The following CEP128 variants were observed in gnomAD, a reference collection of about 807,000 sequenced individuals.
The protein encoded by CEP128 is centrosomal protein 128.
A neutral mutation model predicts 156.7 loss-of-function variants in CEP128; 132 were observed. The ratio of observed to expected loss-of-function variants is 0.84; its 90% CI spans 0.73 to 0.97. The LOEUF (loss-of-function observed/expected upper bound fraction) is 0.97, where lower values mean the gene tolerates loss of function less well. Among genes scored for constraint, CEP128 ranks in the 50% least tolerant of loss-of-function variants. CEP128 has a pLI of 0.00. For synonymous variants in CEP128, 469 were observed against 448.9 expected, an observed-to-expected ratio of 1.04 and a Z score of -0.57; for missense variants, 1,252 against 1,281.9, an observed-to-expected ratio of 0.98 and a Z score of 0.36.
intron 20 of CEP128, among the ~76,000 whole-genome samples, chr14:80,567,805 G>A (rs1235650033): frequency 6.6e-6 from 1 of 152,110 alleles, no homozygotes; most frequent in East Asian, 1.9e-4. Context: ...TGGTGGCTAG[G>A]GGCAATGCAA....
At chr14:80,579,722 G>A (rs1414292700) in intron 20 of CEP128, among the ~76,000 whole-genome samples, 2 of 152,078 alleles carry the variant, frequency 1.3e-5, no homozygotes, top group African/African-American at 2.4e-5. Flanking sequence ...TCTATCATGG[G>A]AATATAACTG....
At chr14:80,568,226 C>A (rs1439152370) in intron 20 of CEP128, among the ~76,000 whole-genome samples, 1 of 152,144 alleles carries the variant, frequency 6.6e-6, no homozygotes, top group Non-Finnish European at 1.5e-5. Flanking sequence ...TCCTAGGCTT[C>A]TAGGTGAAAA....
chr14:80,556,822 G>C (rs760102700), intron 21 of CEP128, among the ~76,000 whole-genome samples: 11 of 152,188 alleles, frequency 7.2e-5, no homozygotes, highest in Non-Finnish European at 1.3e-4. Flanking sequence ...CACTGACTTG[G>C]GAGAGAATAA....
chr14:80,855,298 T>C (rs942754440), intron 9 of CEP128, among the ~76,000 whole-genome samples: 1 of 152,176 alleles, frequency 6.6e-6, no homozygotes, highest in Admixed American at 6.5e-5. Flanking sequence ...TTCTAGGGCT[T>C]ATGTCCTAAG....
intron 14 of CEP128, among the ~76,000 whole-genome samples, chr14:80,481,849 T>C (rs895632388): frequency 6.6e-6 from 1 of 152,244 alleles, no homozygotes; most frequent in Non-Finnish European, 1.5e-5. Flanking sequence ...ATTCCTACTT[T>C]AGTATCTAAA....
intron 21 of CEP128, among the ~76,000 whole-genome samples, chr14:80,533,654 T>C (rs887345036): frequency 1.3e-5 from 2 of 151,568 alleles, no homozygotes; most frequent in Non-Finnish European, 2.9e-5. Context: ...TTATTTTTAT[T>C]CTCCCCTCCC....
At position 80,939,995 on chromosome 14, in the gene CEP128, A is replaced by G. The variant is rs113722399; in HGVS notation, c.-171-455T>C. Among the ~76,000 whole-genome samples, 248 of 152,322 alleles carry G rather than the reference A, an allele frequency of 1.6e-3. 1 individual carries two copies. Among genetic ancestry groups the G allele is most frequent in the Middle Eastern group, 3.4e-3 (1 of 294 alleles). Reference sequence around the variant, plus strand: ...TTCCCATACTCAGTGCTACAATTAAATAAATAAGAATAAAATGCCTTTGGT... The same window carrying G: ...TTCCCATACTCAGTGCTACAATTAAGTAAATAAGAATAAAATGCCTTTGGT... On this transcript the variant is annotated intron_variant, in intron 1 of 24. Transcript: ENST00000555265.
At chr14:80,515,365 T>C (rs1031600087) in intron 23 of CEP128, among the ~76,000 whole-genome samples, 23 of 152,166 alleles carry the variant, frequency 1.5e-4, no homozygotes, top group African/African-American at 5.3e-4. Context: ...ATGAATCTAC[T>C]TGGTGCTCTG....
At chr14:80,608,591 C>T (rs1003853916) in intron 19 of CEP128, among the ~76,000 whole-genome samples, 1 of 152,128 alleles carries the variant, frequency 6.6e-6, no homozygotes, top group Non-Finnish European at 1.5e-5. Flanking sequence ...CACCTTTCAC[C>T]ATCCCTTTCC....
chr14:80,597,078 G>T (rs149433534), intron 19 of CEP128, among the ~76,000 whole-genome samples: 1 of 150,958 alleles, frequency 6.6e-6, no homozygotes, highest in Non-Finnish European at 1.5e-5. Context: ...ATGAAATTGA[G>T]AACAGGAGAC....
chr14:80,849,567 G>A (rs577651438), intron 9 of CEP128, among the ~76,000 whole-genome samples: 2 of 152,274 alleles, frequency 1.3e-5, no homozygotes, highest in South Asian at 4.1e-4. Flanking sequence ...TATGGACAAA[G>A]ATATATAAGA....
chr14:80,788,829 G>A (rs969971289), intron 14 of CEP128, among the ~76,000 whole-genome samples: 3 of 152,040 alleles, frequency 2.0e-5, no homozygotes, highest in African/African-American at 7.2e-5. Context: ...TTTTTCTGCT[G>A]AGGGTAAGAG....
downstream of CEP128, among the ~76,000 whole-genome samples, chr14:80,494,824 G>A (rs1469213872): frequency 6.6e-6 from 1 of 152,092 alleles, no homozygotes; most frequent in Non-Finnish European, 1.5e-5. Flanking sequence ...AAATAGGTAG[G>A]TAAACTATAA....
At chr14:80,895,602 CA>C in intron 8 of CEP128, 115 bp downstream of exon 8, 1 of 596,486 alleles carries the variant, frequency 1.7e-6, no homozygotes, top group Non-Finnish European at 2.8e-6. Context: ...CACTTTTAGA[CA>C]AAATGGGACA....
At chr14:80,873,802 G>A (rs928409249) in intron 8 of CEP128, among the ~76,000 whole-genome samples, 22 of 152,072 alleles carry the variant, frequency 1.4e-4, no homozygotes, top group Admixed American at 6.5e-4. Flanking sequence ...CACTATTCCC[G>A]TGATATTTTT....
chr14:80,514,571 T>A (rs1888402683), intron 23 of CEP128: 4 of 229,490 alleles, frequency 1.7e-5, no homozygotes, highest in South Asian at 1.4e-4. Flanking sequence ...CTTGATTTTT[T>A]AATATTATTT....
chr14:80,798,590 A>G (rs1195906448), intron 13 of CEP128, among the ~76,000 whole-genome samples: 1 of 152,218 alleles, frequency 6.6e-6, no homozygotes, highest in Non-Finnish European at 1.5e-5. Flanking sequence ...AAAATAAACT[A>G]TATTTTTTGT....
At chr14:80,710,252 T>C (rs867392171) in intron 19 of CEP128, among the ~76,000 whole-genome samples, 13 of 152,118 alleles carry the variant, frequency 8.5e-5, no homozygotes, top group African/African-American at 3.1e-4. Flanking sequence ...TCACTAGATA[T>C]ATGTTACTAG....
intron 1 of CEP128, chr14:80,959,424 T>A (rs751490573): frequency 6.6e-6 from 1 of 152,218 alleles, no homozygotes; most frequent in Non-Finnish European, 1.5e-5. Context: ...CCCATCACCC[T>A]CTCTTACTCA....
Sources: allele counts gnomAD v4.1 joint callset (sites outside exome capture counted in the v4.1 genomes callset), GRCh38; gene constraint gnomAD v4.1.1; transcripts MANE v1.5; gene names NCBI Gene and HGNC (gene_info 2026-07-23, HGNC 2026-07-21).